Variants in IGSF11 observed in about 807,000 individuals in gnomAD.
IGSF11 encodes the protein CXADR like 1.
IGSF11 carries 22 observed loss-of-function variants against 41.0 expected under a neutral mutation model. That is an observed-to-expected ratio of 0.54 (90% CI 0.38 to 0.77). The LOEUF is 0.77. Among genes scored for constraint, IGSF11 ranks in the 30% least tolerant of loss-of-function variants. The probability of loss-of-function intolerance (pLI) is 0.00; values close to 1 mark genes in which losing one functional copy is unlikely to be tolerated. For synonymous variants in IGSF11, 219 were observed against 201.3 expected, an observed-to-expected ratio of 1.09 and a Z score of -0.74; for missense variants, 444 against 530.8, an observed-to-expected ratio of 0.84 and a Z score of 1.61.
At chr3:118,981,596 T>C (rs962181852) in intron 1 of IGSF11, among the ~76,000 whole-genome samples, 3 of 152,196 alleles carry the variant, frequency 2.0e-5, no homozygotes, top group African/African-American at 7.2e-5. Flanking sequence ...CTCCCTTATA[T>C]AACTGCCTCC....
intron 4 of IGSF11, among the ~76,000 whole-genome samples, chr3:118,924,465 T>G (rs933842437): frequency 1.3e-5 from 2 of 152,134 alleles, no homozygotes; most frequent in African/African-American, 4.8e-5. Context: ...AAATTTAGAT[T>G]AAAAATATTA....
intron 1 of IGSF11, among the ~76,000 whole-genome samples, chr3:119,048,688 C>T (rs1559835144): frequency 6.6e-6 from 1 of 151,814 alleles, no homozygotes; most frequent in Non-Finnish European, 1.5e-5. Context: ...GGCAGAGACA[C>T]AACAAAAAAA....
intron 1 of IGSF11, among the ~76,000 whole-genome samples, chr3:118,977,544 G>C (rs1482317239): frequency 6.6e-6 from 1 of 152,184 alleles, no homozygotes; most frequent in African/African-American, 2.4e-5. Flanking sequence ...TCATCCAAGA[G>C]AGAACACTGA....
chr3:119,142,899 T>C (rs994524355), intron 1 of IGSF11, among the ~76,000 whole-genome samples: 1 of 152,094 alleles, frequency 6.6e-6, no homozygotes, highest in Non-Finnish European at 1.5e-5. Context: ...AGGTGAACAG[T>C]CAATTTCTCA....
At chr3:119,012,720 G>A (rs1938269773) in intron 1 of IGSF11, 1 of 151,928 alleles carries the variant, frequency 6.6e-6, no homozygotes, top group African/African-American at 2.4e-5. Flanking sequence ...AAGATCTATT[G>A]AAAATCCATC....
At chr3:119,045,432 G>T (rs1228372966) in intron 1 of IGSF11, among the ~76,000 whole-genome samples, 1 of 152,130 alleles carries the variant, frequency 6.6e-6, no homozygotes, top group Non-Finnish European at 1.5e-5. Context: ...CTGCGCTTTT[G>T]CGACGGGCTT....
At chr3:119,066,125 G>C (rs758056848) in intron 1 of IGSF11, among the ~76,000 whole-genome samples, 9 of 152,036 alleles carry the variant, frequency 5.9e-5, no homozygotes, top group Non-Finnish European at 1.3e-4. Context: ...GCAAGTAACT[G>C]TATTTCTTTT....
intron 1 of IGSF11, among the ~76,000 whole-genome samples, chr3:119,077,467 A>C (rs2076519960): frequency 6.6e-6 from 1 of 152,158 alleles, no homozygotes; most frequent in Non-Finnish European, 1.5e-5. Context: ...ATTATATGTC[A>C]ATTTAAAATA....
chr3:119,136,229 A>G (rs2077559848), intron 1 of IGSF11, among the ~76,000 whole-genome samples: 1 of 152,126 alleles, frequency 6.6e-6, no homozygotes, highest in Non-Finnish European at 1.5e-5. Context: ...AAAGAAAAAA[A>G]GAAGACAGAA....
At chr3:119,076,170 C>A (rs1352488540) in intron 1 of IGSF11, among the ~76,000 whole-genome samples, 3 of 152,150 alleles carry the variant, frequency 2.0e-5, no homozygotes, top group Non-Finnish European at 4.4e-5. Context: ...AAAGGATTAC[C>A]TACTTAATAA....
chr3:118,931,882 G>A (rs1035289289), intron 1 of IGSF11, among the ~76,000 whole-genome samples: 4 of 151,942 alleles, frequency 2.6e-5, no homozygotes, highest in Non-Finnish European at 5.9e-5. Context: ...ACAGGCGCCC[G>A]CCACCATGCC....
chr3:119,114,283 C>T (rs1252542570), intron 1 of IGSF11, among the ~76,000 whole-genome samples: 3 of 152,226 alleles, frequency 2.0e-5, no homozygotes, highest in African/African-American at 7.2e-5. Context: ...CATGGCCAAG[C>T]TGCAAATTTT....
intron 1 of IGSF11, among the ~76,000 whole-genome samples, chr3:119,129,748 G>A (rs1343539746): frequency 1.3e-5 from 2 of 152,150 alleles, no homozygotes; most frequent in Non-Finnish European, 2.9e-5. Flanking sequence ...GATTTGGGAG[G>A]CCAAGATAGG....
intron 1 of IGSF11, among the ~76,000 whole-genome samples, chr3:119,115,495 T>C (rs1472907208): frequency 2.0e-5 from 3 of 152,260 alleles, no homozygotes; most frequent in African/African-American, 7.2e-5. Flanking sequence ...ATTTCTCTGA[T>C]GATCAATTAT....
chr3:119,077,997 A>G (rs552334707), intron 1 of IGSF11, among the ~76,000 whole-genome samples: 18 of 152,312 alleles, frequency 1.2e-4, no homozygotes, highest in Admixed American at 7.8e-4. Context: ...CAATTACAAA[A>G]CACAGCTGAA....
At chr3:119,075,379 C>T (rs866211142) in intron 1 of IGSF11, among the ~76,000 whole-genome samples, 4 of 152,030 alleles carry the variant, frequency 2.6e-5, no homozygotes, top group Middle Eastern at 6.8e-3. Context: ...ATATAATCAC[C>T]GCTAAATTCC....
intron 1 of IGSF11, 85 bp downstream of exon 1, chr3:119,034,446 G>T: frequency 7.9e-7 from 1 of 1,267,518 alleles, no homozygotes; most frequent in Non-Finnish European, 1.0e-6. Context: ...AAGCAAGGAG[G>T]CTCTTTGCCG....
intron 3 of IGSF11, among the ~76,000 whole-genome samples, chr3:118,927,732 ATCTCCC>A (rs1942455801): frequency 6.6e-6 from 1 of 152,220 alleles, no homozygotes; most frequent in Non-Finnish European, 1.5e-5. Context: ...AACGTCTTCC[ATCTCCC>A]CAGATGAACT....
At chr3:119,063,824 C>G (rs1353219272) in intron 1 of IGSF11, among the ~76,000 whole-genome samples, 2 of 152,230 alleles carry the variant, frequency 1.3e-5, no homozygotes, top group East Asian at 1.9e-4. Context: ...AAAGAGGAAC[C>G]AAGAGAGAGA....
Sources: gnomAD v4.1 joint callset for allele counts (sites outside exome capture counted in the v4.1 genomes callset) on GRCh38, gnomAD v4.1.1 for gene constraint, MANE v1.5 for transcripts, NCBI Gene and HGNC (gene_info 2026-07-23, HGNC 2026-07-21) for gene names.